The following WNK1 variants were observed in gnomAD, a reference collection of about 807,000 sequenced individuals.
WNK1 encodes the protein WNK lysine deficient protein kinase 1.
WNK1 carries 38 observed loss-of-function variants against 222.8 expected under a neutral mutation model. The ratio of observed to expected loss-of-function variants is 0.17; its 90% CI spans 0.13 to 0.22. The LOEUF (loss-of-function observed/expected upper bound fraction) is 0.22. WNK1 is among the 10% of genes least tolerant of loss of function. WNK1 has a pLI of 1.00. For missense variants in WNK1, 2,348 were observed against 2,918.4 expected (o/e 0.80, Z 4.50); for synonymous variants, 1,090 against 1,092.9 (o/e 1.00, Z 0.05).
At chr12:794,135 G>A (rs1429689744) in intron 1 of WNK1, among the ~76,000 whole-genome samples, 1 of 152,142 alleles carries the variant, frequency 6.6e-6, no homozygotes. Flanking sequence ...ATTGTATGGA[G>A]ATACCATTGT....
intron 1 of WNK1, among the ~76,000 whole-genome samples, chr12:780,466 C>G (rs148464763): frequency 6.6e-6 from 1 of 152,158 alleles, no homozygotes; most frequent in East Asian, 1.9e-4. Flanking sequence ...TGTTGCATTC[C>G]TAAGTGTAGT....
At chr12:829,137 A>G (rs930387925) in intron 3 of WNK1, among the ~76,000 whole-genome samples, 2 of 152,232 alleles carry the variant, frequency 1.3e-5, no homozygotes, top group Non-Finnish European at 2.9e-5. Context: ...TGTTGATTAA[A>G]TGATAGTGTG....
At position 763,322 on chromosome 12, in the gene WNK1, G is replaced by C. The variant is rs1251039060; in HGVS notation, c.759+8998G>C. On this transcript the variant is annotated intron_variant, in intron 1 of 27. Coordinates refer to ENST00000315939, the MANE Select transcript of WNK1 (RefSeq NM_018979.4). ...TTGTTGGCTAGGCGTGGTGGCTCACGCTTGTAATCCCAACACTTTGGGAGG... is the reference window on the plus strand; with the variant it reads ...TTGTTGGCTAGGCGTGGTGGCTCACCCTTGTAATCCCAACACTTTGGGAGG... Among the ~76,000 whole-genome samples the C allele has an allele frequency of 2.0e-5, 3 of 147,222 alleles. 1 individual carries two copies. The East Asian group carries it at 5.9e-4, about 29-fold the overall frequency.
intron 1 of WNK1, among the ~76,000 whole-genome samples, chr12:777,158 G>GT (rs560869282): frequency 0.13 from 16,794 of 130,986 alleles, 1,560 homozygotes; most frequent in African/African-American, 0.27. Flanking sequence ...GATTTTTTTT[G>GT]TTTTTTTTTT....
At chr12:883,150 TG>T (rs1332444273) in intron 15 of WNK1, 91 bp downstream of exon 15, 5 of 1,084,828 alleles carry the variant, frequency 4.6e-6, no homozygotes, top group African/African-American at 3.1e-5. Flanking sequence ...TTATAATCCA[TG>T]TTTTTTTAAA....
rs770683506 is a variant in WNK1 at position 869,039 on chromosome 12, G to A, written c.2140-2226G>A. 23 of 1,612,790 alleles carry A rather than the reference G, an allele frequency of 1.4e-5. No individual in the cohort carries two copies. Among genetic ancestry groups the A allele is most frequent in the Non-Finnish European group, 1.9e-5 (23 of 1,179,550 alleles). ...CCCACTTTTCTTCTGTTTCCCCCAA[G>A]GAACCACATCTCAGCAGGTCTTAAC... On this transcript the variant is annotated intron_variant, in intron 8 of 27. Coordinates refer to ENST00000315939, the MANE Select transcript of WNK1 (RefSeq NM_018979.4).
chr12:850,512 T>C (rs1203114495), intron 4 of WNK1, among the ~76,000 whole-genome samples: 3 of 152,100 alleles, frequency 2.0e-5, no homozygotes, highest in Admixed American at 2.0e-4. Context: ...TCTCCCATTC[T>C]GTAGGTTGCC....
At chr12:894,668 T>A (rs1484593296) in intron 23 of WNK1, 33 bp downstream of exon 23, 1 of 1,598,486 alleles carries the variant, frequency 6.3e-7, no homozygotes, top group South Asian at 1.1e-5. Context: ...CCTTGATTCC[T>A]TCCTTTGGAG....
chr12:759,904 C>T (rs1317036655), intron 1 of WNK1, among the ~76,000 whole-genome samples: 1 of 147,784 alleles, frequency 6.8e-6, no homozygotes, highest in Non-Finnish European at 1.5e-5. Flanking sequence ...TAGGATAGGG[C>T]CTGCCACATA....
chr12:804,662 C>T (rs961527143), intron 1 of WNK1, among the ~76,000 whole-genome samples: 1 of 152,064 alleles, frequency 6.6e-6, no homozygotes, highest in East Asian at 1.9e-4. Context: ...CGTGAGCCAC[C>T]GTGCCTGGCC....
In WNK1 at chr12:880,751, C is replaced by T; in HGVS notation, c.2863C>T (p.Pro955Ser). 1.9e-6 allele frequency: 3 copies of T among 1,613,948 alleles called. No homozygotes were observed. Among genetic ancestry groups the T allele is most frequent in the Non-Finnish European group, 2.5e-6 (3 of 1,180,000 alleles). Residue 955 changes from proline (P) to serine (S), a missense_variant, in exon 12 of 28, where the codon CCA becomes TCA. By Grantham distance (74) the Pro-to-Ser change is moderately conservative (BLOSUM62 -1). Transcript: ENST00000315939. ...GFPPRLPPQY[P>S]GDSNIAPSSN... ...CCCACCTCGACTGCCACCACAGTAC[C>T]CAGGAGATTCAAATATTGCTCCCTC...
chr12:844,832 T>A (rs1177635981), intron 4 of WNK1, among the ~76,000 whole-genome samples: 1 of 151,596 alleles, frequency 6.6e-6, no homozygotes, highest in Non-Finnish European at 1.5e-5. Flanking sequence ...TTTATATAAT[T>A]ATATAAGCAA....
chr12:862,314 A>G (rs774597511), intron 8 of WNK1, 44 bp downstream of exon 8: 92 of 1,594,206 alleles, frequency 5.8e-5, no homozygotes, highest in Admixed American at 3.7e-4. Context: ...ATGAGAGCCA[A>G]TGGATAGTCT....
chr12:891,269 T>C (rs758254880), intron 22 of WNK1, among the ~76,000 whole-genome samples: 2 of 152,070 alleles, frequency 1.3e-5, no homozygotes, highest in Non-Finnish European at 2.9e-5. Flanking sequence ...CTCCCAAGTA[T>C]CTGGGATTAC....
At chr12:839,031 A>G (rs1419596779) in intron 4 of WNK1, among the ~76,000 whole-genome samples, 2 of 152,220 alleles carry the variant, frequency 1.3e-5, no homozygotes, top group Non-Finnish European at 2.9e-5. Flanking sequence ...AGGGGAACAA[A>G]CAAATAAAGC....
At chr12:865,617 CT>C (rs1565543223) in intron 8 of WNK1, among the ~76,000 whole-genome samples, 1 of 152,044 alleles carries the variant, frequency 6.6e-6, no homozygotes, top group African/African-American at 2.4e-5. Context: ...TAAAATTTAC[CT>C]TTCATTATAT....
In WNK1 at chr12:753,258, G is replaced by T. The variant is rs886049861; in HGVS notation, c.-308G>T. 5.7e-6 allele frequency: 2 copies of T among 351,356 alleles called. No homozygotes were observed. The highest frequency in any genetic ancestry group is 4.6e-5 in the South Asian group (1 of 21,616). 21.8% of individuals were successfully genotyped at this position (351,356 alleles called of 1,614,324 possible). A position where few individuals can be genotyped will look rare whatever the true frequency, so the allele number is the denominator to read the frequency against. Reference sequence around the variant, plus strand: ...CGCCTCTGCTGCCACCGCCCGCCCGGCCGCCGCTCGCCGCAGGATGGATGC... The same window carrying T: ...CGCCTCTGCTGCCACCGCCCGCCCGTCCGCCGCTCGCCGCAGGATGGATGC... On this transcript the variant is annotated 5_prime_UTR_variant, in exon 1 of 28. Coordinates refer to ENST00000315939, the MANE Select transcript of WNK1 (RefSeq NM_018979.4). This position sits in a 1 kb window ranked among gnomAD's most constrained non-coding sequence, Gnocchi z 5.2.
At position 910,310 on chromosome 12, in the gene WNK1, TAATCATTCTAGGA is replaced by T. The variant is rs1410132712; in HGVS notation, c.*1521_*1533del. On this transcript the variant is annotated 3_prime_UTR_variant, in exon 28 of 28. Transcript: ENST00000315939. ...TCTATCTATCTTTCCACATCTGAAT[TAATCATTCTAGGA>T]AAGAATACTTATTCCTACTCATTTC... is the stretch of plus-strand genomic sequence containing the variant. 4.6e-5 allele frequency: 7 copies of T among 152,200 alleles called. No homozygotes were observed. The highest frequency in any genetic ancestry group is 1.7e-4 in the African/African-American group (7 of 41,448). The allele number at this position is 152,200 out of a possible 1,614,324, so 9.4% of individuals were successfully genotyped here.
intron 14 of WNK1, 72 bp downstream of exon 14, chr12:882,145 C>A (rs1328325261): frequency 1.4e-6 from 2 of 1,458,788 alleles, no homozygotes; most frequent in Non-Finnish European, 1.9e-6. Flanking sequence ...TAGAGGTCAT[C>A]AAATCCAAAC....
Sources: gnomAD v4.1 joint callset for allele counts (sites outside exome capture counted in the v4.1 genomes callset) on GRCh38, gnomAD v4.1.1 for gene constraint, Gnocchi (gnomAD v3.1) non-coding constraint, MANE v1.5 for transcripts, NCBI Gene and HGNC (gene_info 2026-07-23, HGNC 2026-07-21) for gene names.